The following HPCAL1 variants were observed in gnomAD, a reference collection of about 807,000 sequenced individuals.
HPCAL1 encodes hippocalcin like 1.
A neutral mutation model predicts 17.1 loss-of-function variants in HPCAL1; 8 were observed. The observed-to-expected ratio is 0.47, with a 90% confidence interval of 0.27 to 0.84. The LOEUF is 0.84. Among genes scored for constraint, HPCAL1 ranks in the 40% least tolerant of loss-of-function variants. The pLI is 0.13. For missense variants in HPCAL1, 165 were observed against 271.1 expected, an observed-to-expected ratio of 0.61 and a Z score of 2.75; for synonymous variants, 112 against 111.4, an observed-to-expected ratio of 1.01 and a Z score of -0.03.
At chr2:10,410,557 C>A (rs1670296155) in intron 2 of HPCAL1, among the ~76,000 whole-genome samples, 1 of 149,524 alleles carries the variant, frequency 6.7e-6, no homozygotes, top group Non-Finnish European at 1.5e-5. Context: ...TTTCCATCAC[C>A]GTGAATTACA....
chr2:10,361,588 C>T (rs2125489240), intron 1 of HPCAL1, among the ~76,000 whole-genome samples: 1 of 152,264 alleles, frequency 6.6e-6, no homozygotes, highest in African/African-American at 2.4e-5. Context: ...ATCAGTATTA[C>T]CCTAATATAT....
At chr2:10,422,751 C>A (rs935256603) in intron 3 of HPCAL1, among the ~76,000 whole-genome samples, 1 of 152,348 alleles carries the variant, frequency 6.6e-6, no homozygotes, top group South Asian at 2.1e-4. Flanking sequence ...GAGATACCAG[C>A]ACCCTCACCA....
At chr2:10,332,679 T>C (rs1456802328) in intron 1 of HPCAL1, among the ~76,000 whole-genome samples, 2 of 151,866 alleles carry the variant, frequency 1.3e-5, no homozygotes, top group Non-Finnish European at 2.9e-5. Context: ...CAACTCCTAA[T>C]ACAGCAAGGA....
intron 1 of HPCAL1, among the ~76,000 whole-genome samples, chr2:10,371,661 A>C (rs548111514): frequency 5.9e-5 from 9 of 152,218 alleles, no homozygotes; most frequent in African/African-American, 1.9e-4. Context: ...CTTCCATTCC[A>C]AACTCCTCCT....
At chr2:10,332,519 G>T (rs1302641077) in intron 1 of HPCAL1, among the ~76,000 whole-genome samples, 1 of 152,174 alleles carries the variant, frequency 6.6e-6, no homozygotes, top group East Asian at 1.9e-4. Flanking sequence ...TAGCCGTGCA[G>T]GGAAGGGGTG....
chr2:10,395,113 AACACACACACACAC>A lies in HPCAL1; in HGVS notation c.-110-1689_-110-1676del, dbSNP rs55678486. The stretch of plus-strand genomic sequence containing the variant: ...TGTCCAGCCTAAAATCTATCTTTAA[AACACACACACACAC>A]ACACACACACACACACACACACACA... On this transcript the variant is annotated intron_variant, in intron 1 of 4. Coordinates refer to ENST00000307845, the MANE Select transcript of HPCAL1 (RefSeq NM_002149.4). This position sits in a 1 kb window ranked among gnomAD's most constrained non-coding sequence, Gnocchi z 4.4. Among the ~76,000 whole-genome samples the A allele has an allele frequency of 1.8e-4, 25 of 138,464 alleles. No individual in the cohort carries two copies. The highest frequency in any genetic ancestry group is 4.4e-4 in the African/African-American group (16 of 36,716). The allele number at this position is 138,464 out of a possible 152,430, so 90.8% of individuals were successfully genotyped here. A position where few individuals can be genotyped will look rare whatever the true frequency, so the allele number is the denominator to read the frequency against.
Position 10,419,272 on chromosome 2 carries a change from C to A in HPCAL1, c.-24-462C>A, listed in dbSNP as rs1670880040. Among the ~76,000 whole-genome samples the A allele has an allele frequency of 1.3e-5, 2 of 152,036 alleles. No homozygotes were observed. The highest frequency in any genetic ancestry group is 4.8e-5 in the African/African-American group (2 of 41,392). ...GGTGGGGGTGACTCCCTGAAAGTTTCTAGACGCCTCTTCTAAAGATAAAAA... is the reference window on the plus strand; with the variant it reads ...GGTGGGGGTGACTCCCTGAAAGTTTATAGACGCCTCTTCTAAAGATAAAAA... On this transcript the variant is annotated intron_variant, in intron 2 of 4. Coordinates refer to ENST00000307845, the MANE Select transcript of HPCAL1 (RefSeq NM_002149.4). This position sits in a 1 kb window ranked among gnomAD's most constrained non-coding sequence, Gnocchi z 5.0.
chr2:10,364,511 G>T (rs1023723721), intron 1 of HPCAL1, among the ~76,000 whole-genome samples: 2 of 152,192 alleles, frequency 1.3e-5, no homozygotes, highest in Non-Finnish European at 2.9e-5. Flanking sequence ...GAGACTCCTC[G>T]CTGCTTCCCT....
chr2:10,403,163 G>A (rs1355523592), intron 2 of HPCAL1, among the ~76,000 whole-genome samples: 2 of 152,348 alleles, frequency 1.3e-5, no homozygotes, highest in South Asian at 2.1e-4. Flanking sequence ...CGGGGAGAGG[G>A]ACACCAGTCC....
At chr2:10,375,916 C>T (rs1242384852) in intron 1 of HPCAL1, among the ~76,000 whole-genome samples, 1 of 152,158 alleles carries the variant, frequency 6.6e-6, no homozygotes, top group South Asian at 2.1e-4. Flanking sequence ...GATGCGTGTC[C>T]CCTCCAAGTC....
At chr2:10,356,881 T>C (rs1666193964) in intron 1 of HPCAL1, among the ~76,000 whole-genome samples, 1 of 152,142 alleles carries the variant, frequency 6.6e-6, no homozygotes, top group Non-Finnish European at 1.5e-5. Context: ...CCCAGCTGCA[T>C]ATCCACAACT....
At chr2:10,364,926 AG>A (rs1243298851) in intron 1 of HPCAL1, among the ~76,000 whole-genome samples, 4 of 151,948 alleles carry the variant, frequency 2.6e-5, no homozygotes, top group African/African-American at 9.7e-5. Flanking sequence ...TCTCTGAGGT[AG>A]GGGGACCAAG....
chr2:10,416,878 G>A (rs1257220390), intron 2 of HPCAL1, among the ~76,000 whole-genome samples: 1 of 152,118 alleles, frequency 6.6e-6, no homozygotes, highest in East Asian at 1.9e-4. Context: ...GATGGAGGCA[G>A]GGGGTGCAGG....
chr2:10,347,542 G>C (rs1426740563), intron 1 of HPCAL1, among the ~76,000 whole-genome samples: 1 of 152,150 alleles, frequency 6.6e-6, no homozygotes, highest in Non-Finnish European at 1.5e-5. Context: ...AGTGCCTCCT[G>C]CCACCCTGGG....
intron 1 of HPCAL1, among the ~76,000 whole-genome samples, chr2:10,387,203 A>G (rs1251994941): frequency 6.6e-6 from 1 of 152,240 alleles, no homozygotes; most frequent in African/African-American, 2.4e-5. Flanking sequence ...GTTAAGGACC[A>G]TGAGTCCAAA....
In HPCAL1 at chr2:10,411,335, C is replaced by T. The variant is rs375843195; in HGVS notation, c.-24-8399C>T. Among the ~76,000 whole-genome samples, 12 of 152,284 alleles carry T rather than the reference C, an allele frequency of 7.9e-5. No homozygotes were observed. In the East Asian group the frequency reaches 9.7e-4, roughly 12 times the overall value. On this transcript the variant is annotated intron_variant, in intron 2 of 4. Transcript: ENST00000307845. ...CTGGGTCCACAGCCCACCACCCCACCGAAGCCTCGGTCCCTTGTCCCTAAG... is the reference window on the plus strand; with the variant it reads ...CTGGGTCCACAGCCCACCACCCCACTGAAGCCTCGGTCCCTTGTCCCTAAG...
chr2:10,365,333 C>T lies in HPCAL1; in HGVS notation c.-110-31502C>T, dbSNP rs1326670718. On this transcript the variant is annotated intron_variant, in intron 1 of 4. Transcript: ENST00000307845. This position sits in a 1 kb window ranked among gnomAD's most constrained non-coding sequence, Gnocchi z 4.8. ...CCTCCAGGTGGTGGCGCGGTAATTGCAAGAGCGTGAGCCCCTCCTCTGGGG... is the reference window on the plus strand; with the variant it reads ...CCTCCAGGTGGTGGCGCGGTAATTGTAAGAGCGTGAGCCCCTCCTCTGGGG... Among the ~76,000 whole-genome samples, 1 of 152,186 alleles carries T rather than the reference C, an allele frequency of 6.6e-6. No individual in the cohort carries two copies. Among genetic ancestry groups the T allele is most frequent in the Admixed American group, 6.5e-5 (1 of 15,286 alleles).
Position 10,419,330 on chromosome 2 carries a change from C to A in HPCAL1, c.-24-404C>A, listed in dbSNP as rs963181134. On this transcript the variant is annotated intron_variant, in intron 2 of 4. Transcript: ENST00000307845. The surrounding 1 kb of genome is among the most constrained non-coding windows in gnomAD (Gnocchi z 5.0). ...TGATGCCTGAAAGAGGGAAGAACTG[C>A]CCCAAAGAGTCTGGGATGTGGCTGA... 1.3e-5 allele frequency among the ~76,000 whole-genome samples: 2 copies of A among 152,160 alleles called. No homozygotes were observed.
At chr2:10,385,171 G>A (rs1056540079) in intron 1 of HPCAL1, among the ~76,000 whole-genome samples, 2 of 151,944 alleles carry the variant, frequency 1.3e-5, no homozygotes, top group African/African-American at 4.8e-5. Context: ...GCATGTGAGT[G>A]AGCAGCTGTG....
Sources: allele counts gnomAD v4.1 joint callset (sites outside exome capture counted in the v4.1 genomes callset), GRCh38; gene constraint gnomAD v4.1.1; non-coding constraint Gnocchi (gnomAD v3.1); transcripts MANE v1.5; gene names NCBI Gene and HGNC (gene_info 2026-07-23, HGNC 2026-07-21).